CEP112: variants seen among roughly 807,000 people sequenced by gnomAD.
CEP112 encodes the protein centrosomal protein 112, also known as centrosomal protein of 112 kDa.
A neutral mutation model predicts 153.0 loss-of-function variants in CEP112; 127 were observed. The ratio of observed to expected loss-of-function variants is 0.83; its 90% CI spans 0.72 to 0.96. CEP112 has a LOEUF of 0.96. Among genes scored for constraint, CEP112 ranks in the 40% least tolerant of loss-of-function variants. The probability of loss-of-function intolerance (pLI) is 0.00; values close to 1 mark genes in which losing one functional copy is unlikely to be tolerated. For missense variants in CEP112, 1,089 were observed against 1,101.2 expected (o/e 0.99, Z 0.16); for synonymous variants, 358 against 374.4 (o/e 0.96, Z 0.51).
intron 25 of CEP112, 61 bp downstream of exon 25, chr17:65,640,903 G>C: frequency 2.2e-6 from 2 of 899,468 alleles, no homozygotes; most frequent in South Asian, 1.4e-5. Flanking sequence ...AGATTTATTT[G>C]CAAGTTTCTT....
intron 21 of CEP112, among the ~76,000 whole-genome samples, chr17:65,825,855 CCA>C (rs1371205409): frequency 6.6e-6 from 1 of 152,120 alleles, no homozygotes; most frequent in African/African-American, 2.4e-5. Flanking sequence ...GGAGAAAATG[CCA>C]TTAGCTCACA....
intron 23 of CEP112, among the ~76,000 whole-genome samples, chr17:65,718,180 T>C (rs1017358448): frequency 2.0e-5 from 3 of 152,082 alleles, no homozygotes; most frequent in African/African-American, 7.2e-5. Flanking sequence ...CTGAGGCAGA[T>C]GGATCACCTG....
intron 8 of CEP112, among the ~76,000 whole-genome samples, chr17:66,077,450 G>C (rs2146139444): frequency 6.6e-6 from 1 of 152,228 alleles, no homozygotes; most frequent in South Asian, 2.1e-4. Context: ...TGAACAAAAA[G>C]AAGAAAGAAA....
chr17:65,909,154 C>T (rs915170455), intron 19 of CEP112, among the ~76,000 whole-genome samples: 2 of 152,096 alleles, frequency 1.3e-5, no homozygotes, highest in Non-Finnish European at 2.9e-5. Flanking sequence ...AATGCCAGTG[C>T]TAGAAACATA....
At chr17:65,961,639 G>A in intron 17 of CEP112, 41 bp from the exon 18 acceptor site, 1 of 1,527,694 alleles carries the variant, frequency 6.5e-7, no homozygotes, top group African/African-American at 1.4e-5. Context: ...AAATATAAAA[G>A]AGCTAGGCCT....
At chr17:65,965,291 G>A (rs551085061) in intron 17 of CEP112, among the ~76,000 whole-genome samples, 2 of 152,042 alleles carry the variant, frequency 1.3e-5, no homozygotes, top group African/African-American at 4.8e-5. Context: ...GTTTTCAATT[G>A]ATCATTTCTA....
At chr17:65,937,895 C>A (rs1599078656) in intron 18 of CEP112, among the ~76,000 whole-genome samples, 1 of 118,734 alleles carries the variant, frequency 8.4e-6, no homozygotes, top group Admixed American at 1.0e-4. Context: ...CTCTGCCCGG[C>A]CACCACCCCA....
chr17:66,161,450 A>T (rs2071700929), intron 4 of CEP112, among the ~76,000 whole-genome samples: 1 of 152,220 alleles, frequency 6.6e-6, no homozygotes, highest in East Asian at 1.9e-4. Context: ...CATCAATAAT[A>T]GACCGGATAA....
intron 17 of CEP112, among the ~76,000 whole-genome samples, chr17:65,993,669 T>C (rs2063677359): frequency 6.6e-6 from 1 of 152,140 alleles, no homozygotes; most frequent in South Asian, 2.1e-4. Flanking sequence ...AATGAGCATG[T>C]AAAAACTACA....
intron 12 of CEP112, among the ~76,000 whole-genome samples, chr17:66,047,820 G>C (rs2066276448): frequency 6.6e-6 from 1 of 152,140 alleles, no homozygotes; most frequent in Non-Finnish European, 1.5e-5. Flanking sequence ...CCAGAGTACT[G>C]TTTTCTTTAT....
intron 21 of CEP112, among the ~76,000 whole-genome samples, chr17:65,844,642 G>GCCACTGCA (rs4059211): frequency 0.97 from 146,854 of 151,062 alleles, 71,444 homozygotes; most frequent in East Asian, 1. Flanking sequence ...CCGAGATCAG[G>GCCACTGCA]CTCCATCCTG....
intron 18 of CEP112, among the ~76,000 whole-genome samples, chr17:65,944,449 AT>A (rs1223842913): frequency 6.6e-6 from 1 of 152,310 alleles, no homozygotes; most frequent in South Asian, 2.1e-4. Flanking sequence ...TAAGAATCAT[AT>A]TTCTTTATTA....
intron 4 of CEP112, among the ~76,000 whole-genome samples, chr17:66,143,740 G>T (rs1011898242): frequency 2.0e-5 from 3 of 152,152 alleles, no homozygotes; most frequent in Non-Finnish European, 2.9e-5. Context: ...TCAGCTGAAA[G>T]CAAATTATTT....
chr17:66,068,953 T>A (rs1419208610), intron 9 of CEP112, among the ~76,000 whole-genome samples: 6 of 151,818 alleles, frequency 4.0e-5, no homozygotes, highest in Admixed American at 1.3e-4. Context: ...GCAAAAAAAA[T>A]TTGCCTGTAA....
chr17:65,863,783 G>C (rs866606982), intron 20 of CEP112, among the ~76,000 whole-genome samples: 113 of 151,160 alleles, frequency 7.5e-4, no homozygotes, highest in South Asian at 6.9e-3. Flanking sequence ...AAACAAAATG[G>C]TAGAAGACAG....
chr17:65,988,093 C>G (rs1468073411), intron 17 of CEP112, among the ~76,000 whole-genome samples: 1 of 152,152 alleles, frequency 6.6e-6, no homozygotes, highest in Non-Finnish European at 1.5e-5. Context: ...GCACAAACTC[C>G]TAACCCGCCT....
chr17:65,799,320 G>GT (rs2055122890), intron 21 of CEP112, among the ~76,000 whole-genome samples: 1 of 152,188 alleles, frequency 6.6e-6, no homozygotes, highest in African/African-American at 2.4e-5. Flanking sequence ...AGCTGGGAAT[G>GT]TAAGCTGGCA....
At chr17:66,105,738 A>G (rs1166046379) in intron 6 of CEP112, among the ~76,000 whole-genome samples, 1 of 152,100 alleles carries the variant, frequency 6.6e-6, no homozygotes, top group Non-Finnish European at 1.5e-5. Context: ...AGGTTGCAGT[A>G]GCCAAGATCA....
intron 17 of CEP112, among the ~76,000 whole-genome samples, chr17:65,963,032 GA>G (rs1450421512): frequency 6.6e-6 from 1 of 152,136 alleles, no homozygotes; most frequent in African/African-American, 2.4e-5. Context: ...CACAGAACAG[GA>G]AACTAGGGCT....
Sources: allele counts gnomAD v4.1 joint callset (sites outside exome capture counted in the v4.1 genomes callset), GRCh38; gene constraint gnomAD v4.1.1; transcripts MANE v1.5; gene names NCBI Gene and HGNC (gene_info 2026-07-23, HGNC 2026-07-21).